Variants in MECOM observed in about 807,000 individuals in gnomAD.
The protein encoded by MECOM is histone-lysine N-methyltransferase MECOM.
In MECOM, 13 loss-of-function variants were observed where a neutral mutation model predicts 116.3. That is an observed-to-expected ratio of 0.11 (90% CI 0.07 to 0.18). MECOM has a LOEUF of 0.18. MECOM is among the 10% of genes least tolerant of loss of function. The probability of loss-of-function intolerance (pLI) is 1.00; values close to 1 mark genes in which losing one functional copy is unlikely to be tolerated. For synonymous variants in MECOM, 528 were observed against 535.2 expected (o/e 0.99, Z 0.19); for missense variants, 1,299 against 1,509.0 (o/e 0.86, Z 2.31).
At chr3:169,608,363 G>A (rs1414606204) in intron 1 of MECOM, among the ~76,000 whole-genome samples, 1 of 152,130 alleles carries the variant, frequency 6.6e-6, no homozygotes. Context: ...CACCCTCACA[G>A]CCAATTCGGG....
chr3:169,146,771 G>GTTTTTT, intron 2 of MECOM: 1 of 1,154,960 alleles, frequency 8.7e-7, no homozygotes, highest in South Asian at 1.8e-5. Context: ...ATTCACAGAA[G>GTTTTTT]AATCAAAATA....
At chr3:169,126,723 T>G (rs189705187) in intron 5 of MECOM, among the ~76,000 whole-genome samples, 3 of 152,198 alleles carry the variant, frequency 2.0e-5, no homozygotes, top group African/African-American at 7.2e-5. Context: ...TTTTAGTCAT[T>G]TATGCCTTAA....
rs529924257 is a variant in MECOM at position 169,239,137 on chromosome 3, C to T, written c.376-95305G>A. On this transcript the variant is annotated intron_variant, in intron 2 of 16. Transcript: ENST00000651503. ...TAATCACAAAACCCTAATTTTCTGA[C>T]GTCCTCAAGCAAAGTTGAGTAAATT... is the stretch of plus-strand genomic sequence containing the variant. Among the ~76,000 whole-genome samples, 8 of 152,208 alleles carry T rather than the reference C, an allele frequency of 5.3e-5. 1 individual carries two copies. Among genetic ancestry groups the T allele is most frequent in the South Asian group, 4.1e-4 (2 of 4,832 alleles).
chr3:169,651,803 A>G (rs1774949440), intron 1 of MECOM, among the ~76,000 whole-genome samples: 1 of 152,154 alleles, frequency 6.6e-6, no homozygotes, highest in Non-Finnish European at 1.5e-5. Flanking sequence ...AGAAAAGGCA[A>G]TTTGCTGTAA....
chr3:169,197,525 G>A (rs1748592764), intron 2 of MECOM, among the ~76,000 whole-genome samples: 1 of 151,766 alleles, frequency 6.6e-6, no homozygotes, highest in African/African-American at 2.4e-5. Context: ...GTGTTTACAA[G>A]GCAATTCATA....
chr3:169,234,114 C>A (rs1341218684), intron 2 of MECOM, among the ~76,000 whole-genome samples: 2 of 151,788 alleles, frequency 1.3e-5, no homozygotes, highest in Admixed American at 1.3e-4. Context: ...TAATTTTATT[C>A]AAAGAGAAAT....
At chr3:169,515,291 A>T (rs1488262013) in intron 1 of MECOM, among the ~76,000 whole-genome samples, 1 of 151,960 alleles carries the variant, frequency 6.6e-6, no homozygotes, top group Non-Finnish European at 1.5e-5. Context: ...CAACTCACTC[A>T]CTCCATTGTG....
At chr3:169,613,763 T>G (rs1769585362) in intron 1 of MECOM, 1 of 152,246 alleles carries the variant, frequency 6.6e-6, no homozygotes, top group South Asian at 2.1e-4. Flanking sequence ...AACCAAGGTC[T>G]CTAGCTCTAT....
intron 1 of MECOM, chr3:169,484,135 CT>C (rs1751796855): frequency 1.4e-6 from 1 of 729,362 alleles, no homozygotes; most frequent in Non-Finnish European, 2.3e-6. Context: ...AAAAGTGATT[CT>C]TTTTATCTCA....
chr3:169,360,267 A>C (rs1388675450), intron 2 of MECOM, among the ~76,000 whole-genome samples: 1 of 146,220 alleles, frequency 6.8e-6, no homozygotes, highest in African/African-American at 2.5e-5. Flanking sequence ...CCGGTACCTC[A>C]GACCCTAAAA....
At chr3:169,519,662 A>G (rs1757121957) in intron 1 of MECOM, among the ~76,000 whole-genome samples, 1 of 152,246 alleles carries the variant, frequency 6.6e-6, no homozygotes, top group Admixed American at 6.5e-5. Context: ...TCTTGCCCCA[A>G]CAACCACCCA....
intron 1 of MECOM, among the ~76,000 whole-genome samples, chr3:169,607,498 T>C: frequency 6.6e-6 from 1 of 152,324 alleles, no homozygotes; most frequent in Non-Finnish European, 1.5e-5. Flanking sequence ...CTTGAAAAAA[T>C]TTATTTTTCT....
At chr3:169,446,725 T>C (rs2108641906) in intron 1 of MECOM, among the ~76,000 whole-genome samples, 1 of 152,332 alleles carries the variant, frequency 6.6e-6, no homozygotes, top group Non-Finnish European at 1.5e-5. Context: ...TACTGTTTTT[T>C]CAGTTAAGGA....
intron 1 of MECOM, among the ~76,000 whole-genome samples, chr3:169,660,721 A>G (rs1189715116): frequency 6.6e-6 from 1 of 152,230 alleles, no homozygotes; most frequent in Non-Finnish European, 1.5e-5. Flanking sequence ...TTTTCGTTGG[A>G]TGATTGCACC....
At chr3:169,615,508 T>C (rs1008051594) in intron 1 of MECOM, among the ~76,000 whole-genome samples, 1 of 152,246 alleles carries the variant, frequency 6.6e-6, no homozygotes, top group African/African-American at 2.4e-5. Context: ...TCAGTGAAAC[T>C]TGTCCACCTT....
intron 1 of MECOM, among the ~76,000 whole-genome samples, chr3:169,541,542 C>T (rs1427979192): frequency 6.6e-6 from 1 of 152,200 alleles, no homozygotes; most frequent in East Asian, 1.9e-4. Flanking sequence ...GCGCATGGCT[C>T]GAATGTGCTC....
chr3:169,146,520 C>T (rs1289475494), intron 2 of MECOM: 1 of 1,379,176 alleles, frequency 7.3e-7, no homozygotes, highest in Non-Finnish European at 9.6e-7. Context: ...CAGACCGCAC[C>T]GTTTCGCAGG....
At position 169,115,473 on chromosome 3, in the gene MECOM, T is replaced by G. The variant is rs144584014; in HGVS notation, c.2399A>C (p.Lys800Thr). 6.2e-7 allele frequency: 1 copy of G among 1,614,166 alleles called. No individual in the cohort carries two copies. Among genetic ancestry groups the G allele is most frequent in the Non-Finnish European group, 8.5e-7 (1 of 1,180,020 alleles). Residue 800 changes from lysine (K) to threonine (T), a missense_variant, in exon 8 of 17, where the codon AAA (lysine) becomes ACA (threonine). This residue lies in a region of MECOM where 340 missense variants were observed against 312.6 expected (regional missense o/e 1.09). Transcript: ENST00000651503. ...EPRKNHVFGGKKGSNVESRPA... is the reference protein window; with the variant it reads ...EPRKNHVFGGTKGSNVESRPA... ...TCTTGATTCGACGTTGCTTCCTTTT[T>G]TTCCCCCAAACACGTGGTTTTTTCG...
At chr3:169,447,041 T>A (rs1361416724) in intron 1 of MECOM, among the ~76,000 whole-genome samples, 1 of 152,176 alleles carries the variant, frequency 6.6e-6, no homozygotes, top group Non-Finnish European at 1.5e-5. Context: ...TGAAAAGGGA[T>A]CCTCATTGTA....
Sources: gnomAD v4.1 joint callset for allele counts (sites outside exome capture counted in the v4.1 genomes callset) on GRCh38, gnomAD v4.1.1 for gene constraint, gnomAD v4.1.1 regional missense constraint, MANE v1.5 for transcripts, NCBI Gene and HGNC (gene_info 2026-07-23, HGNC 2026-07-21) for gene names.